Variants in PPARG observed in about 807,000 individuals in gnomAD.
PPARG encodes the protein peroxisome proliferator-activated receptor gamma.
A neutral mutation model predicts 39.2 loss-of-function variants in PPARG; 17 were observed. The observed-to-expected ratio is 0.43, with a 90% CI of 0.30 to 0.65. The LOEUF is 0.65. PPARG is among the 30% of genes least tolerant of loss of function. The pLI is 0.13. For missense variants in PPARG, 406 were observed against 585.9 expected, an observed-to-expected ratio of 0.69 and a Z score of 3.17; for synonymous variants, 223 against 215.7, an observed-to-expected ratio of 1.03 and a Z score of -0.30.
At position 12,381,916 on chromosome 3, in the gene PPARG, G is replaced by GTTTA. The variant is rs796113249; in HGVS notation, c.390+449_390+452dup. On this transcript the variant is annotated intron_variant, in intron 4 of 7. Transcript: ENST00000651735. ...TGCAGATTTCCTGCATTCTCTAGTT[G>GTTTA]TTTATTTATTTATTTATTTATTTAT... Among the ~76,000 whole-genome samples, 591 of 152,046 alleles carry GTTTA rather than the reference G, an allele frequency of 3.9e-3. 4 individuals carry two copies. The highest frequency in any genetic ancestry group is 0.022 in the South Asian group (107 of 4,808).
At chr3:12,429,611 C>G (rs949756115) in intron 7 of PPARG, among the ~76,000 whole-genome samples, 28 of 151,542 alleles carry the variant, frequency 1.8e-4, no homozygotes, top group South Asian at 4.2e-4. Context: ...AGAAAGGCTC[C>G]GGGAGCCAGT....
intron 2 of PPARG, among the ~76,000 whole-genome samples, chr3:12,322,916 C>G (rs933705068): frequency 6.6e-6 from 1 of 152,102 alleles, no homozygotes; most frequent in Non-Finnish European, 1.5e-5. Flanking sequence ...ATCCTCCCAC[C>G]TCAGCCTCCC....
At position 12,433,997 on chromosome 3, in the gene PPARG, C is replaced by T. The variant is rs1457864825; in HGVS notation, c.1280C>T (p.Ser427Leu). 6.2e-7 allele frequency: 1 copy of T among 1,614,220 alleles called. No homozygotes were observed. Among genetic ancestry groups the T allele is most frequent in the Non-Finnish European group, 8.5e-7 (1 of 1,180,038 alleles). The change falls in exon 8 of 8, where the codon TCA becomes TTA. Residue 427 changes from serine (S) to leucine (L), a missense_variant. By Grantham distance (145) the Ser-to-Leu change is moderately radical (BLOSUM62 -2). Coordinates refer to ENST00000651735, the MANE Select transcript of PPARG (RefSeq NM_138711.6). ...CTGAAGCTGAACCACCCTGAGTCCT[C>T]ACAGCTGTTTGCCAAGCTGCTCCAG... is the stretch of plus-strand genomic sequence containing the variant. Reference protein sequence around the residue: ...LQLKLNHPESSQLFAKLLQKM... With the variant: ...LQLKLNHPESLQLFAKLLQKM...
At chr3:12,353,834 A>T (rs531289314) in intron 2 of PPARG, among the ~76,000 whole-genome samples, 1 of 152,200 alleles carries the variant, frequency 6.6e-6, no homozygotes, top group South Asian at 2.1e-4. Flanking sequence ...AACCATTTCC[A>T]CTAGTAAAAA....
chr3:12,391,718 C>T (rs772265719), intron 4 of PPARG, among the ~76,000 whole-genome samples: 4 of 152,074 alleles, frequency 2.6e-5, no homozygotes, highest in East Asian at 1.9e-4. Flanking sequence ...TCTAAATGGA[C>T]GTTTGGAGAA....
At chr3:12,374,975 A>AT (rs2049355054) in intron 2 of PPARG, among the ~76,000 whole-genome samples, 1 of 152,232 alleles carries the variant, frequency 6.6e-6, no homozygotes, top group African/African-American at 2.4e-5. Context: ...ATTTTTAAAA[A>AT]TTACATGAAC....
At chr3:12,374,840 C>G (rs2049350219) in intron 2 of PPARG, among the ~76,000 whole-genome samples, 1 of 152,032 alleles carries the variant, frequency 6.6e-6, no homozygotes, top group Admixed American at 6.6e-5. Flanking sequence ...TTATGTAACC[C>G]TAAAACTGCT....
intron 2 of PPARG, chr3:12,328,188 C>A: frequency 7.2e-7 from 1 of 1,387,322 alleles, no homozygotes; most frequent in Non-Finnish European, 1.0e-6. Flanking sequence ...AATTAAAGAA[C>A]TAGAACAGAA....
At chr3:12,344,145 G>A (rs924889646) in intron 2 of PPARG, among the ~76,000 whole-genome samples, 35 of 152,228 alleles carry the variant, frequency 2.3e-4, no homozygotes, top group African/African-American at 8.2e-4. Flanking sequence ...ACAGGTGTGA[G>A]CCACCACGCC....
chr3:12,430,692 A>G (rs1253271160), intron 7 of PPARG, among the ~76,000 whole-genome samples: 1 of 152,138 alleles, frequency 6.6e-6, no homozygotes, highest in African/African-American at 2.4e-5. Flanking sequence ...ATAGGGTGCT[A>G]TGAGGGCCCA....
intron 6 of PPARG, among the ~76,000 whole-genome samples, chr3:12,412,572 A>G (rs190619042): frequency 6.6e-6 from 1 of 152,334 alleles, no homozygotes; most frequent in Admixed American, 6.5e-5. Flanking sequence ...CTTTCCTGGA[A>G]AAACACTGGG....
intron 4 of PPARG, among the ~76,000 whole-genome samples, chr3:12,381,746 G>A (rs1233140123): frequency 6.6e-6 from 1 of 151,838 alleles, no homozygotes; most frequent in African/African-American, 2.4e-5. Context: ...GTGGATAAAA[G>A]TTGGGCTGCT....
intron 2 of PPARG, among the ~76,000 whole-genome samples, chr3:12,348,070 T>C (rs1004453643): frequency 6.6e-6 from 1 of 152,208 alleles, no homozygotes; most frequent in Non-Finnish European, 1.5e-5. Context: ...TTCATATTCA[T>C]TCTAGAGAAT....
At chr3:12,399,856 C>T (rs2050406947) in intron 5 of PPARG, among the ~76,000 whole-genome samples, 3 of 146,818 alleles carry the variant, frequency 2.0e-5, no homozygotes, top group East Asian at 4.0e-4. Flanking sequence ...TGGGCATGGT[C>T]ATGTGTGCCT....
At chr3:12,410,659 A>G (rs2050851426) in intron 6 of PPARG, among the ~76,000 whole-genome samples, 6 of 152,252 alleles carry the variant, frequency 3.9e-5, no homozygotes, top group Admixed American at 3.9e-4. Context: ...AACTGGTGCC[A>G]TTGGAAAAAA....
intron 1 of PPARG, among the ~76,000 whole-genome samples, chr3:12,290,988 C>G (rs2046635125): frequency 6.6e-6 from 1 of 152,156 alleles, no homozygotes; most frequent in South Asian, 2.1e-4. Context: ...GTTGGTCATT[C>G]TAATTGTGGG....
At chr3:12,322,913 C>T (rs992167201) in intron 2 of PPARG, among the ~76,000 whole-genome samples, 2 of 152,048 alleles carry the variant, frequency 1.3e-5, no homozygotes, top group Non-Finnish European at 2.9e-5. Context: ...GTGATCCTCC[C>T]ACCTCAGCCT....
At chr3:12,314,452 A>T (rs2047334648) in intron 2 of PPARG, among the ~76,000 whole-genome samples, 1 of 152,220 alleles carries the variant, frequency 6.6e-6, no homozygotes, top group Non-Finnish European at 1.5e-5. Flanking sequence ...CAAGGTCAAT[A>T]TCAAGGATAG....
intron 1 of PPARG, among the ~76,000 whole-genome samples, chr3:12,311,507 G>A (rs564378678): frequency 1.3e-5 from 2 of 152,242 alleles, no homozygotes; most frequent in South Asian, 4.1e-4. Flanking sequence ...TATCTTCATG[G>A]TCTACTACAT....
Sources: gnomAD v4.1 joint callset for allele counts (sites outside exome capture counted in the v4.1 genomes callset) on GRCh38, gnomAD v4.1.1 for gene constraint, MANE v1.5 for transcripts, NCBI Gene and HGNC (gene_info 2026-07-23, HGNC 2026-07-21) for gene names.